KIF16B: variants seen among roughly 807,000 people sequenced by gnomAD.
KIF16B encodes kinesin-like protein KIF16B.
A neutral mutation model predicts 156.3 loss-of-function variants in KIF16B; 98 were observed. The ratio of observed to expected loss-of-function variants is 0.63; its 90% CI spans 0.53 to 0.74. KIF16B has a LOEUF of 0.74. Ranked by LOEUF, KIF16B falls within the 30% of genes least tolerant of loss-of-function variation. KIF16B has a pLI of 0.00. For synonymous variants in KIF16B, 564 were observed against 583.7 expected (o/e 0.97, Z 0.49); for missense variants, 1,421 against 1,606.5 (o/e 0.88, Z 1.97).
At chr20:16,524,380 T>C (rs112750188) in intron 3 of KIF16B, among the ~76,000 whole-genome samples, 101 of 152,262 alleles carry the variant, frequency 6.6e-4, no homozygotes, top group African/African-American at 2.4e-3. Context: ...GAACAGACAC[T>C]TCTCAAAAGA....
rs540983793 is a variant in KIF16B, at chr20:16,419,822, C to T, written c.1612+7282G>A. Among the ~76,000 whole-genome samples the T allele has an allele frequency of 5.9e-5, 9 of 152,186 alleles. No homozygotes were observed. In the South Asian group the frequency reaches 1.9e-3, roughly 32 times the overall value. ...AAATGCTGAAATACTGTTTCAATTA[C>T]AATGCATCTGACTGTTGTATCATTT... On this transcript the variant is annotated intron_variant, in intron 15 of 25. Transcript: ENST00000354981.
At chr20:16,565,236 A>G (rs993149193) in intron 1 of KIF16B, among the ~76,000 whole-genome samples, 3 of 152,176 alleles carry the variant, frequency 2.0e-5, no homozygotes, top group African/African-American at 2.4e-5. Context: ...ATTAACATCA[A>G]TTATATCTAC....
chr20:16,499,136 T>G (rs1238118360), intron 10 of KIF16B, among the ~76,000 whole-genome samples: 4 of 152,096 alleles, frequency 2.6e-5, no homozygotes, highest in Non-Finnish European at 5.9e-5. Flanking sequence ...GAGATTCACA[T>G]AGGCGTCTGT....
intron 25 of KIF16B, among the ~76,000 whole-genome samples, chr20:16,307,824 G>T (rs748407339): frequency 2.0e-5 from 3 of 152,048 alleles, no homozygotes; most frequent in Admixed American, 6.6e-5. Flanking sequence ...AGAACCATAT[G>T]GTTCAGCTTC....
intron 15 of KIF16B, among the ~76,000 whole-genome samples, chr20:16,414,475 T>C (rs1254672987): frequency 6.6e-6 from 1 of 152,080 alleles, no homozygotes; most frequent in Non-Finnish European, 1.5e-5. Flanking sequence ...AATTCAAATA[T>C]GGATTTACAA....
chr20:16,392,288 G>A (rs1388891860), intron 17 of KIF16B, among the ~76,000 whole-genome samples: 1 of 152,100 alleles, frequency 6.6e-6, no homozygotes, highest in African/African-American at 2.4e-5. Context: ...TAATATCATG[G>A]GATTCTATAA....
intron 25 of KIF16B, among the ~76,000 whole-genome samples, chr20:16,288,159 C>T (rs1396485150): frequency 6.6e-6 from 1 of 152,172 alleles, no homozygotes. Flanking sequence ...TAATGCAGCA[C>T]CATGAGCAGG....
intron 1 of KIF16B, among the ~76,000 whole-genome samples, chr20:16,556,040 C>T (rs1402073367): frequency 6.6e-6 from 1 of 152,180 alleles, no homozygotes; most frequent in Non-Finnish European, 1.5e-5. Context: ...AAATTCCCTC[C>T]TTTACCATCC....
intron 12 of KIF16B, among the ~76,000 whole-genome samples, chr20:16,490,022 C>T (rs2068240164): frequency 1.3e-5 from 2 of 152,144 alleles, no homozygotes. Flanking sequence ...ACAGGACCGC[C>T]GCCTGCACAA....
chr20:16,462,055 C>A (rs2067358956), intron 12 of KIF16B, among the ~76,000 whole-genome samples: 1 of 152,150 alleles, frequency 6.6e-6, no homozygotes, highest in Non-Finnish European at 1.5e-5. Flanking sequence ...TCGAGACCAG[C>A]CTGGCCAACA....
intron 22 of KIF16B, chr20:16,368,345 C>T (rs754704334): frequency 1.2e-5 from 12 of 989,232 alleles, no homozygotes; most frequent in Non-Finnish European, 1.4e-5. Flanking sequence ...CCTGCAGCTT[C>T]GCTCTCGCTG....
chr20:16,394,917 T>C (rs1185865173), intron 17 of KIF16B, among the ~76,000 whole-genome samples: 2 of 152,010 alleles, frequency 1.3e-5, no homozygotes, highest in Non-Finnish European at 2.9e-5. Flanking sequence ...AAGCCCTTTC[T>C]ACATTGTTAG....
intron 15 of KIF16B, 95 bp downstream of exon 15, chr20:16,427,009 A>T: frequency 1.8e-6 from 2 of 1,095,218 alleles, no homozygotes; most frequent in Non-Finnish European, 1.3e-6. Flanking sequence ...CCTAATCAAT[A>T]ATTAATTCTA....
chr20:16,469,188 G>A (rs59590563), intron 12 of KIF16B, among the ~76,000 whole-genome samples: 32,786 of 149,800 alleles, frequency 0.22, 3,683 homozygotes, highest in Admixed American at 0.26. Context: ...GGAGTTGGAG[G>A]CTGCCGTGAG....
intron 12 of KIF16B, among the ~76,000 whole-genome samples, chr20:16,471,990 CT>C (rs1250957338): frequency 2.0e-5 from 3 of 152,216 alleles, no homozygotes; most frequent in African/African-American, 7.2e-5. Context: ...AACTCCATGG[CT>C]GGCCTAATGT....
At position 16,363,161 on chromosome 20, in the gene KIF16B, A is replaced by C. The variant is rs114540043; in HGVS notation, c.3499-6709T>G. 3.4e-3 allele frequency among the ~76,000 whole-genome samples: 524 copies of C among 152,332 alleles called. 1 individual carries two copies. Among genetic ancestry groups the C allele is most frequent in the African/African-American group, 0.012 (515 of 41,568 alleles). On this transcript the variant is annotated intron_variant, in intron 22 of 25. Transcript: ENST00000354981. ...AAGGGTTGTGTATAATGCAGATTAC[A>C]AAATACACTTGTTTTATTCTGCAAC...
chr20:16,433,632 C>T (rs1489834632), intron 12 of KIF16B, among the ~76,000 whole-genome samples: 4 of 151,940 alleles, frequency 2.6e-5, no homozygotes, highest in South Asian at 2.1e-4. Flanking sequence ...CACACACTCA[C>T]ATACACTTCC....
At chr20:16,418,942 T>C (rs900920581) in intron 15 of KIF16B, among the ~76,000 whole-genome samples, 4 of 152,030 alleles carry the variant, frequency 2.6e-5, no homozygotes, top group Non-Finnish European at 5.9e-5. Context: ...GCAGGCCTTA[T>C]AAAAAATAAA....
At chr20:16,520,540 T>C (rs980657033) in intron 3 of KIF16B, among the ~76,000 whole-genome samples, 14 of 152,200 alleles carry the variant, frequency 9.2e-5, no homozygotes, top group Non-Finnish European at 1.6e-4. Context: ...CAGGGGCTTA[T>C]TGATAAAATT....
Sources: gnomAD v4.1 joint callset for allele counts (sites outside exome capture counted in the v4.1 genomes callset) on GRCh38, gnomAD v4.1.1 for gene constraint, MANE v1.5 for transcripts, NCBI Gene and HGNC (gene_info 2026-07-23, HGNC 2026-07-21) for gene names.